Variants in SERPINA3 observed in about 807,000 individuals in gnomAD.
SERPINA3 encodes the protein serpin family A member 3.
A neutral mutation model predicts 26.8 loss-of-function variants in SERPINA3; 32 were observed. The ratio of observed to expected loss-of-function variants is 1.20; its 90% CI spans 0.90 to 1.61. The LOEUF (loss-of-function observed/expected upper bound fraction) is 1.61, where lower values mean the gene tolerates loss of function less well. Among genes scored for constraint, SERPINA3 ranks in the 40% most tolerant of loss-of-function variants. The probability of loss-of-function intolerance (pLI) is 0.00; values close to 1 mark genes in which losing one functional copy is unlikely to be tolerated. For missense variants in SERPINA3, 632 were observed against 517.9 expected (o/e 1.22, Z -2.14); for synonymous variants, 252 against 206.4 (o/e 1.22, Z -1.89).
rs2268337 is a variant in SERPINA3 at position 94,617,042 on chromosome 14, A to G, written c.643+1958A>G. ...CAGTCAGGGTCCCCAGAGGCAGCCC[A>G]TCTTTCTGGCAGGGACCCATGCTGG... On this transcript the variant is annotated intron_variant, in intron 2 of 4. Transcript: ENST00000393078. 0.016 allele frequency among the ~76,000 whole-genome samples: 2,473 copies of G among 152,270 alleles called. 230 individuals are homozygous for G. In the East Asian group the frequency reaches 0.25, roughly 15 times the overall value.
intron 3 of SERPINA3, chr14:94,619,899 G>A (rs1886138165): frequency 4.2e-6 from 1 of 236,682 alleles, no homozygotes; most frequent in Admixed American, 5.0e-5. Context: ...GATTAATTGA[G>A]CACCTACTAT....
chr14:94,614,216 T>A, intron 1 of SERPINA3: 1 of 584,204 alleles, frequency 1.7e-6, no homozygotes, highest in South Asian at 2.0e-5. Flanking sequence ...GCTTTTCCAC[T>A]GCAAGAAAAT....
rs537666568 is a variant in SERPINA3 at position 94,621,715 on chromosome 14, C to A, written c.918-626C>A. Among the ~76,000 whole-genome samples the A allele has an allele frequency of 1.4e-4, 22 of 152,272 alleles. No homozygotes were observed. The South Asian group carries it at 4.6e-3, about 32-fold the overall frequency. On this transcript the variant is annotated intron_variant, in intron 3 of 4. Coordinates refer to ENST00000393078, the MANE Select transcript of SERPINA3 (RefSeq NM_001085.5). ...CAGGATCCCCAAAGCTCTTCTAACA[C>A]AATCAGACTCTTCAGAGGCCCCCAG... is the stretch of plus-strand genomic sequence containing the variant.
chr14:94,623,609 A>G lies in SERPINA3; in HGVS notation c.1069-2A>G, dbSNP rs764049590. ...GTGTGTAATGTTCTGCTGTCCCCAC[A>G]GGTGGTCCATAAGGCTGTGCTTGAT... On this transcript the variant is annotated splice_acceptor_variant, in intron 4 of 4. Transcript: ENST00000393078. LOFTEE classifies it high-confidence loss of function. 1.9e-6 allele frequency: 3 copies of G among 1,613,818 alleles called. No homozygotes were observed. Among genetic ancestry groups the G allele is most frequent in the Non-Finnish European group, 2.5e-6 (3 of 1,179,922 alleles).
chr14:94,622,420 A>G lies in SERPINA3; in HGVS notation c.997A>G (p.Ile333Val). The change falls in exon 4 of 5, where the codon ATT becomes GTT. Residue 333 changes from isoleucine (I) to valine (V), a missense_variant. Coordinates refer to ENST00000393078, the MANE Select transcript of SERPINA3 (RefSeq NM_001085.5). Reference sequence around the variant, plus strand: ...GAACGACATACTTCTCCAGCTGGGCATTGAGGAAGCCTTCACCAGCAAGGC... The same window carrying G: ...GAACGACATACTTCTCCAGCTGGGCGTTGAGGAAGCCTTCACCAGCAAGGC... ...NLNDILLQLG[I>V]EEAFTSKADL... The G allele has an allele frequency of 3.7e-6, 6 of 1,614,014 alleles. No homozygotes were observed. Among genetic ancestry groups the G allele is most frequent in the Non-Finnish European group, 5.1e-6 (6 of 1,180,010 alleles).
rs1185570531 is a variant in SERPINA3, at chr14:94,614,940, G to A, written c.499G>A (p.Ala167Thr). 6.2e-7 allele frequency: 1 copy of A among 1,613,334 alleles called. No homozygotes were observed. Among genetic ancestry groups the A allele is most frequent in the East Asian group, 2.2e-5 (1 of 44,868 alleles). The change falls in exon 2 of 5, where the codon GCC becomes ACC. Residue 167 changes from alanine to threonine, a missense_variant. By Grantham distance (58) the Ala-to-Thr change is moderately conservative (BLOSUM62 0). Transcript: ENST00000393078. Reference protein sequence around the residue: ...AKRLYGSEAFATDFQDSAAAK... With the variant: ...AKRLYGSEAFTTDFQDSAAAK... ...GAGGCTGTATGGCTCCGAGGCCTTT[G>A]CCACTGACTTTCAGGACTCAGCTGC...
At position 94,612,400 on chromosome 14, in the gene SERPINA3, G is replaced by A; in HGVS notation, c.-56G>A. 7.3e-7 allele frequency: 1 copy of A among 1,366,072 alleles called. No homozygotes were observed. The highest frequency in any genetic ancestry group is 9.8e-7 in the Non-Finnish European group (1 of 1,021,588). 84.6% of individuals were successfully genotyped at this position (1,366,072 alleles called of 1,614,324 possible). A position where few individuals can be genotyped will look rare whatever the true frequency, so the allele number is the denominator to read the frequency against. On this transcript the variant is annotated 5_prime_UTR_variant, in exon 1 of 5. Transcript: ENST00000393078. ...GCATTCATGAAAATCCACTACTCCA[G>A]ACAGACGGCTTTGGAATCCACCAGC...
rs193129853 is a variant in SERPINA3, at chr14:94,614,832, G to A, written c.391G>A (p.Asp131Asn). ...HLLRTLNQSS[D>N]ELQLSMGNAM... The stretch of plus-strand genomic sequence containing the variant: ...CCTGCGCACCCTCAATCAGTCCAGC[G>A]ATGAGCTGCAGCTGAGTATGGGAAA... The change falls in exon 2 of 5, where the codon GAT becomes AAT. Residue 131 changes from aspartate (D) to asparagine (N), a missense_variant. Asp to Asn is a conservative substitution (Grantham distance 23). Coordinates refer to ENST00000393078, the MANE Select transcript of SERPINA3 (RefSeq NM_001085.5). The A allele has an allele frequency of 9.9e-6, 16 of 1,614,158 alleles. No individual in the cohort carries two copies. In the East Asian group the frequency reaches 2.7e-4, roughly 27 times the overall value.
intron 3 of SERPINA3, chr14:94,620,117 C>G: frequency 2.8e-6 from 1 of 354,552 alleles, no homozygotes; most frequent in Non-Finnish European, 5.0e-6. Context: ...AAAACTGGAA[C>G]TCGTGTTAGT....
intron 3 of SERPINA3, among the ~76,000 whole-genome samples, chr14:94,620,907 G>C (rs776417316): frequency 6.6e-6 from 1 of 152,182 alleles, no homozygotes; most frequent in Non-Finnish European, 1.5e-5. Flanking sequence ...GTGGTGGCTG[G>C]TGTGACCTGG....
intron 2 of SERPINA3, among the ~76,000 whole-genome samples, chr14:94,615,849 G>T (rs1021432945): frequency 6.6e-6 from 1 of 152,142 alleles, no homozygotes; most frequent in Non-Finnish European, 1.5e-5. Flanking sequence ...AGTGCAAGCC[G>T]GTAGCTTTTG....
intron 4 of SERPINA3, 32 bp downstream of exon 4, chr14:94,622,523 T>C: frequency 6.2e-7 from 1 of 1,612,570 alleles, no homozygotes; most frequent in Non-Finnish European, 8.5e-7. Context: ...AATTCATCCT[T>C]TGTATCCGAA....
At chr14:94,616,012 C>T (rs181231112) in intron 2 of SERPINA3, among the ~76,000 whole-genome samples, 2 of 152,184 alleles carry the variant, frequency 1.3e-5, no homozygotes, top group East Asian at 1.9e-4. Flanking sequence ...CCTGGGCAAG[C>T]CACTTCCCCT....
chr14:94,622,640 A>C, intron 4 of SERPINA3, 149 bp downstream of exon 4: 3 of 855,526 alleles, frequency 3.5e-6, no homozygotes, highest in Non-Finnish European at 5.7e-6. Flanking sequence ...CCCCAAGCCA[A>C]GAAGAGCTAG....
In SERPINA3 at chr14:94,622,438, A is replaced by G; in HGVS notation, c.1015A>G (p.Ser339Gly). 6.2e-7 allele frequency: 1 copy of G among 1,614,152 alleles called. No homozygotes were observed. The highest frequency in any genetic ancestry group is 8.5e-7 in the Non-Finnish European group (1 of 1,180,002). Residue 339 changes from serine to glycine, a missense_variant, in exon 4 of 5, where the codon AGC becomes GGC. Coordinates refer to ENST00000393078, the MANE Select transcript of SERPINA3 (RefSeq NM_001085.5). ...LQLGIEEAFT[S>G]KADLSGITGA... ...GCTGGGCATTGAGGAAGCCTTCACCAGCAAGGCTGACCTGTCAGGGATCAC... is the reference window on the plus strand; with the variant it reads ...GCTGGGCATTGAGGAAGCCTTCACCGGCAAGGCTGACCTGTCAGGGATCAC...
At chr14:94,618,313 C>T (rs1243011597) in intron 2 of SERPINA3, 2 of 152,044 alleles carry the variant, frequency 1.3e-5, no homozygotes. Flanking sequence ...GTTATGTCAG[C>T]CTGGCTAGGA....
chr14:94,614,985 G>A lies in SERPINA3; in HGVS notation c.544G>A (p.Asp182Asn), dbSNP rs556765561. Reference sequence around the variant, plus strand: ...AGCTGCAGCTAAGAAGCTCATCAACGACTACGTGAAGAATGGAACTAGGGG... The same window carrying A: ...AGCTGCAGCTAAGAAGCTCATCAACAACTACGTGAAGAATGGAACTAGGGG... ...DSAAAKKLIN[D>N]YVKNGTRGKI... The change falls in exon 2 of 5, where the codon GAC (aspartate) becomes AAC (asparagine). Residue 182 changes from aspartate (D) to asparagine (N), a missense_variant. Physicochemically the swap from Asp to Asn is conservative, Grantham distance 23. Transcript: ENST00000393078. 1.2e-5 allele frequency: 20 copies of A among 1,613,854 alleles called. No individual in the cohort carries two copies. Among genetic ancestry groups the A allele is most frequent in the Middle Eastern group, 1.6e-4 (1 of 6,062 alleles).
chr14:94,615,780 A>C (rs1885973030), intron 2 of SERPINA3, among the ~76,000 whole-genome samples: 4 of 152,348 alleles, frequency 2.6e-5, no homozygotes, highest in Middle Eastern at 6.8e-3. Context: ...CCAGTGCCCA[A>C]TCCCATTGAT....
rs180920894 is a variant in SERPINA3 at position 94,623,915 on chromosome 14, A to G, written c.*101A>G. 42 of 1,040,768 alleles carry G rather than the reference A, an allele frequency of 4.0e-5. No individual in the cohort carries two copies. In the East Asian group the frequency reaches 9.7e-4, roughly 24 times the overall value. The allele number at this position is 1,040,768 out of a possible 1,614,324, so 64.5% of individuals were successfully genotyped here. A position where few individuals can be genotyped will look rare whatever the true frequency, so the allele number is the denominator to read the frequency against. On this transcript the variant is annotated 3_prime_UTR_variant, in exon 5 of 5. Transcript: ENST00000393078. ...CCTGGCCCCTGTGCACCGAGTGGCC[A>G]TGGCATGTGTGGCCCTGTCTGCTTA...
Sources: allele counts gnomAD v4.1 joint callset (sites outside exome capture counted in the v4.1 genomes callset), GRCh38; gene constraint gnomAD v4.1.1; transcripts MANE v1.5; gene names NCBI Gene and HGNC (gene_info 2026-07-23, HGNC 2026-07-21).